Variants in ADAMTSL2 observed in about 807,000 individuals in gnomAD.
ADAMTSL2 encodes ADAMTS like 2.
In ADAMTSL2, 55 loss-of-function variants were observed where a neutral mutation model predicts 117.0. That is an observed-to-expected ratio of 0.47 (90% CI 0.38 to 0.59). The LOEUF is 0.59. Ranked by LOEUF, ADAMTSL2 falls within the 20% of genes least tolerant of loss-of-function variation. The probability of loss-of-function intolerance (pLI) is 0.00; values close to 1 mark genes in which losing one functional copy is unlikely to be tolerated. For synonymous variants in ADAMTSL2, 572 were observed against 566.4 expected (o/e 1.01, Z -0.14); for missense variants, 1,182 against 1,354.5 (o/e 0.87, Z 2.00).
At chr9:133,563,862 A>G (rs866332937) in intron 12 of ADAMTSL2, among the ~76,000 whole-genome samples, 6 of 43,850 alleles carry the variant, frequency 1.4e-4, no homozygotes, top group East Asian at 4.9e-4. Flanking sequence ...AGAGAGAGAG[A>G]GGGAGAGAGA....
chr9:133,538,218 G>C (rs1830099038), intron 3 of ADAMTSL2, 131 bp from the exon 4 acceptor site: 2 of 1,032,988 alleles, frequency 1.9e-6, no homozygotes, highest in Non-Finnish European at 3.1e-6. Flanking sequence ...TGGGAGTTGA[G>C]TAGGGAGGAA....
In ADAMTSL2 at chr9:133,538,430, G is replaced by A. The variant is rs1432356569; in HGVS notation, c.309+6G>A. ...ACCAGCTCTGCAGAGTGCAGGTGAGGCCCGGCCCGGGCAGGGGCACCATGG... is the reference window on the plus strand; with the variant it reads ...ACCAGCTCTGCAGAGTGCAGGTGAGACCCGGCCCGGGCAGGGGCACCATGG... On this transcript the variant is annotated splice_donor_region_variant and intron_variant, in intron 4 of 18. Transcript: ENST00000651351. The A allele has an allele frequency of 1.2e-6, 2 of 1,612,826 alleles. No homozygotes were observed. The highest frequency in any genetic ancestry group is 2.2e-5 in the East Asian group (1 of 44,878).
rs1831188410 is a variant in ADAMTSL2, at chr9:133,574,739, T to A, written c.2738-7T>A. 2 of 1,612,590 alleles carry A rather than the reference T, an allele frequency of 1.2e-6. No homozygotes were observed. Among genetic ancestry groups the A allele is most frequent in the African/African-American group, 1.3e-5 (1 of 74,866 alleles). On this transcript the variant is annotated splice_polypyrimidine_tract_variant and splice_region_variant and intron_variant, in intron 18 of 18. Transcript: ENST00000651351. ...CTGCCCTGCTTCGCTCTGTGTTCCT[T>A]CTCCAGATGACAGCTGCCAGGACCA...
At chr9:133,547,245 G>A (rs373866266) in intron 9 of ADAMTSL2, 32 bp downstream of exon 9, 7 of 1,598,938 alleles carry the variant, frequency 4.4e-6, no homozygotes, top group Non-Finnish European at 6.0e-6. Flanking sequence ...GGGGCCCCAG[G>A]GGCCCTGGGC....
intron 9 of ADAMTSL2, among the ~76,000 whole-genome samples, chr9:133,547,722 C>G (rs1328460505): frequency 6.6e-6 from 1 of 152,188 alleles, no homozygotes; most frequent in Non-Finnish European, 1.5e-5. Context: ...CAGGCTCCAC[C>G]CCCTCCCCAG....
chr9:133,548,155 A>T (rs1038312123), intron 9 of ADAMTSL2, among the ~76,000 whole-genome samples: 4 of 152,196 alleles, frequency 2.6e-5, no homozygotes, highest in Non-Finnish European at 5.9e-5. Flanking sequence ...CAGGTCATGA[A>T]ATGTGGGCAC....
Position 133,557,838 on chromosome 9 carries a change from G to C in ADAMTSL2, c.1649+1908G>C, listed in dbSNP as rs1378757273. 6.6e-6 allele frequency among the ~76,000 whole-genome samples: 1 copy of C among 152,194 alleles called. No homozygotes were observed. The highest frequency in any genetic ancestry group is 1.5e-5 in the Non-Finnish European group (1 of 68,036). On this transcript the variant is annotated intron_variant, in intron 11 of 18. Transcript: ENST00000651351. This position sits in a 1 kb window ranked among gnomAD's most constrained non-coding sequence, Gnocchi z 5.2. ...TCCGGCAGTCACGGCCCTCCAAATA[G>C]AATAGGTTTATCAGAGTGGCACCGA...
chr9:133,540,018 T>C, intron 5 of ADAMTSL2, 145 bp downstream of exon 5: 1 of 770,290 alleles, frequency 1.3e-6, no homozygotes, highest in African/African-American at 1.7e-5. Flanking sequence ...AACCTGGGTC[T>C]CCTGAGCCCT....
At chr9:133,543,114 A>T (rs1830264321) in intron 7 of ADAMTSL2, among the ~76,000 whole-genome samples, 1 of 147,620 alleles carries the variant, frequency 6.8e-6, no homozygotes. Flanking sequence ...ATGCCCAGCT[A>T]AATTTTTTTT....
At position 133,562,729 on chromosome 9, in the gene ADAMTSL2, G is replaced by A. The variant is rs866820956; in HGVS notation, c.1747+1434G>A. 3.2e-3 allele frequency among the ~76,000 whole-genome samples: 442 copies of A among 136,500 alleles called. 2 individuals are homozygous for A. Among genetic ancestry groups the A allele is most frequent in the Non-Finnish European group, 3.5e-3 (218 of 63,170 alleles). The allele number at this position is 136,500 out of a possible 152,430, so 89.5% of individuals were successfully genotyped here. On this transcript the variant is annotated intron_variant, in intron 12 of 18. Transcript: ENST00000651351. ...CACCCGACTTGGCCAGGCTCGCACC[G>A]CCGTGGGCGGCGTGGTGGGCACCGG...
intron 13 of ADAMTSL2, among the ~76,000 whole-genome samples, chr9:133,567,271 G>A (rs892931926): frequency 3.9e-5 from 6 of 152,192 alleles, no homozygotes; most frequent in African/African-American, 7.2e-5. Flanking sequence ...ACTGTGCCTC[G>A]TAGACAGTAG....
In ADAMTSL2 at chr9:133,542,948, A is replaced by G. The variant is rs1245946646; in HGVS notation, c.683-1522A>G. Among the ~76,000 whole-genome samples, 3 of 151,116 alleles carry G rather than the reference A, an allele frequency of 2.0e-5. No individual in the cohort carries two copies. In the East Asian group the frequency reaches 5.8e-4, roughly 29 times the overall value. On this transcript the variant is annotated intron_variant, in intron 7 of 18. Transcript: ENST00000651351. The stretch of plus-strand genomic sequence containing the variant: ...ACCATTTTCTAATCCTTTAGTGTCT[A>G]TAACTATTTTTTTTTTTGAGACGGA...
chr9:133,553,230 C>G (rs988010363), intron 9 of ADAMTSL2, among the ~76,000 whole-genome samples: 4 of 152,140 alleles, frequency 2.6e-5, no homozygotes, highest in Non-Finnish European at 5.9e-5. Context: ...AGTGTATTGA[C>G]GCAGATCCCC....
chr9:133,572,647 G>A (rs1159189241), intron 17 of ADAMTSL2, among the ~76,000 whole-genome samples: 4 of 152,174 alleles, frequency 2.6e-5, no homozygotes, highest in East Asian at 3.9e-4. Context: ...GCGATGAAGC[G>A]GGGACCCCAG....
In ADAMTSL2 at chr9:133,555,634, G is replaced by A. The variant is rs1830588433; in HGVS notation, c.1353G>A (p.Glu451=). 1.2e-6 allele frequency: 2 copies of A among 1,613,504 alleles called. No individual in the cohort carries two copies. The highest frequency in any genetic ancestry group is 2.7e-5 in the African/African-American group (2 of 74,944). The change falls in exon 11 of 19, where the codon GAG becomes GAA. Residue 451 remains glutamate (E), a synonymous_variant. Coordinates refer to ENST00000651351, the MANE Select transcript of ADAMTSL2 (RefSeq NM_014694.4). ...TTGACACCCACTTCGCCTCCCAGGA[G>A]TTCTTCTCGGCTAACGCCATCTCTG... ...EEVDTHFASQ[E]FFSANAISDQ...
At chr9:133,568,575 C>T (rs1450800927) in intron 14 of ADAMTSL2, 28 bp from the exon 15 acceptor site, 5 of 1,554,330 alleles carry the variant, frequency 3.2e-6, no homozygotes, top group Non-Finnish European at 4.3e-6. Context: ...TGTCACACCC[C>T]CCCTGCCCCC....
rs759367648 is a variant in ADAMTSL2, at chr9:133,544,558, C to T, written c.763+8C>T. The T allele has an allele frequency of 1.9e-5, 31 of 1,612,412 alleles. No homozygotes were observed. The highest frequency in any genetic ancestry group is 6.7e-5 in the Admixed American group (4 of 59,998). On this transcript the variant is annotated splice_region_variant and intron_variant, in intron 8 of 18. Transcript: ENST00000651351. ...AGTCCGCTGACGTGCTAGGTGGGTACGCAGTGTCTGGCAGCTGCCTCACTG... is the reference window on the plus strand; with the variant it reads ...AGTCCGCTGACGTGCTAGGTGGGTATGCAGTGTCTGGCAGCTGCCTCACTG...
chr9:133,535,836 G>T (rs1395526604), intron 1 of ADAMTSL2, among the ~76,000 whole-genome samples: 1 of 152,168 alleles, frequency 6.6e-6, no homozygotes, highest in African/African-American at 2.4e-5. Flanking sequence ...CCACAGGGCA[G>T]GGTCGACGCT....
chr9:133,544,250 A>C (rs1401675654), intron 7 of ADAMTSL2, among the ~76,000 whole-genome samples: 1 of 151,960 alleles, frequency 6.6e-6, no homozygotes. Context: ...GAGCCTTCCT[A>C]TGGCCTTGGT....
Sources: allele counts gnomAD v4.1 joint callset (sites outside exome capture counted in the v4.1 genomes callset), GRCh38; gene constraint gnomAD v4.1.1; non-coding constraint Gnocchi (gnomAD v3.1); transcripts MANE v1.5; gene names NCBI Gene and HGNC (gene_info 2026-07-23, HGNC 2026-07-21).